SLC1A1: variants seen among roughly 807,000 people sequenced by gnomAD.
The protein encoded by SLC1A1 is excitatory amino acid transporter 3.
SLC1A1 carries 43 observed loss-of-function variants against 53.3 expected under a neutral mutation model. The ratio of observed to expected loss-of-function variants is 0.81; its 90% CI spans 0.63 to 1.04. The LOEUF is 1.04. SLC1A1 is among the 50% of genes least tolerant of loss of function. The pLI is 0.00. For synonymous variants in SLC1A1, 307 were observed against 243.2 expected (o/e 1.26, Z -2.44); for missense variants, 748 against 664.9 (o/e 1.12, Z -1.37).
chr9:4,535,784 C>T (rs1816652563), intron 1 of SLC1A1, among the ~76,000 whole-genome samples: 1 of 152,120 alleles, frequency 6.6e-6, no homozygotes, highest in African/African-American at 2.4e-5. Context: ...AAGCTGGAGG[C>T]ATCACACTAC....
chr9:4,580,732 T>C (rs1821016663), intron 10 of SLC1A1, among the ~76,000 whole-genome samples: 1 of 149,260 alleles, frequency 6.7e-6, no homozygotes, highest in African/African-American at 2.5e-5. Context: ...GCAGTAGTAA[T>C]AGTAGTAGTA....
chr9:4,523,808 A>G (rs527903876), intron 1 of SLC1A1, among the ~76,000 whole-genome samples: 2 of 152,328 alleles, frequency 1.3e-5, no homozygotes, highest in African/African-American at 2.4e-5. Flanking sequence ...TGACTCCATG[A>G]GGTTGATATT....
Position 4,490,668 on chromosome 9 carries a change from G to A in SLC1A1, c.-12G>A, listed in dbSNP as rs1439156051. On this transcript the variant is annotated 5_prime_UTR_variant, in exon 1 of 12. Transcript: ENST00000262352. ...GCACGGCCGAGCCCAGCGCACAATA[G>A]CGGCGACAGCCATGGGGAAACCGGC... is the stretch of plus-strand genomic sequence containing the variant. 23 of 1,611,210 alleles carry A rather than the reference G, an allele frequency of 1.4e-5. No individual in the cohort carries two copies. Among genetic ancestry groups the A allele is most frequent in the Non-Finnish European group, 1.9e-5 (22 of 1,178,038 alleles).
intron 1 of SLC1A1, among the ~76,000 whole-genome samples, chr9:4,521,682 C>T (rs1425005690): frequency 6.6e-6 from 1 of 152,156 alleles, no homozygotes; most frequent in Admixed American, 6.5e-5. Flanking sequence ...TGGCTAGTGT[C>T]ATTTTCCCTC....
chr9:4,507,800 A>T (rs1348223472), intron 1 of SLC1A1, among the ~76,000 whole-genome samples: 3 of 152,150 alleles, frequency 2.0e-5, no homozygotes, highest in Non-Finnish European at 4.4e-5. Flanking sequence ...TTTCTCCCAG[A>T]GGTCGATCTG....
chr9:4,528,337 C>T (rs982454695), intron 1 of SLC1A1, among the ~76,000 whole-genome samples: 1 of 152,126 alleles, frequency 6.6e-6, no homozygotes. Context: ...CTTTGGGAGG[C>T]CGAGGCAGGC....
At chr9:4,497,864 T>C (rs1021510878) in intron 1 of SLC1A1, among the ~76,000 whole-genome samples, 1 of 152,204 alleles carries the variant, frequency 6.6e-6, no homozygotes, top group Admixed American at 6.5e-5. Flanking sequence ...TTGTTTCTTA[T>C]TAACAAGAAA....
At chr9:4,572,480 T>A in intron 7 of SLC1A1, 92 bp downstream of exon 7, 1 of 1,109,152 alleles carries the variant, frequency 9.0e-7, no homozygotes, top group Non-Finnish European at 1.4e-6. Context: ...TGTCAACTGA[T>A]GAAGCTAGAG....
At chr9:4,565,051 C>T (rs1287399110) in intron 4 of SLC1A1, among the ~76,000 whole-genome samples, 1 of 152,140 alleles carries the variant, frequency 6.6e-6, no homozygotes, top group East Asian at 1.9e-4. Context: ...GGTAAAGTTT[C>T]TATAGAACAG....
At position 4,520,425 on chromosome 9, in the gene SLC1A1, C is replaced by T. The variant is rs188931815; in HGVS notation, c.92-24142C>T. Among the ~76,000 whole-genome samples the T allele has an allele frequency of 2.5e-3, 381 of 152,048 alleles. 5 individuals carry two copies. The highest frequency in any genetic ancestry group is 3.3e-3 in the Non-Finnish European group (223 of 67,944). On this transcript the variant is annotated intron_variant, in intron 1 of 11. Coordinates refer to ENST00000262352, the MANE Select transcript of SLC1A1 (RefSeq NM_004170.6). ...TTATTATCTATTTTTCTTTTTTCCCCGTTTTAAAAATGAATTTGGTTCATT... is the reference window on the plus strand; with the variant it reads ...TTATTATCTATTTTTCTTTTTTCCCTGTTTTAAAAATGAATTTGGTTCATT...
chr9:4,496,186 C>T (rs1053373228), intron 1 of SLC1A1, among the ~76,000 whole-genome samples: 5 of 151,940 alleles, frequency 3.3e-5, no homozygotes, highest in Non-Finnish European at 7.4e-5. Flanking sequence ...AGAAACCGGA[C>T]GTGGTGTGAT....
intron 1 of SLC1A1, among the ~76,000 whole-genome samples, chr9:4,504,026 AAC>A (rs778652564): frequency 1.3e-5 from 2 of 152,224 alleles, no homozygotes; most frequent in Non-Finnish European, 2.9e-5. Flanking sequence ...TCTGGTTGCT[AAC>A]AGTTTTGAAG....
rs1817772675 is a variant in SLC1A1 at position 4,549,738 on chromosome 9, C to G, written c.232+5031C>G. ...CCCCCTCACGGCCACAGGGGGATAG[C>G]CTTTCCTCGTGGACCCCATCAGGAG... On this transcript the variant is annotated intron_variant, in intron 2 of 11. Transcript: ENST00000262352. The surrounding 1 kb of genome is among the most constrained non-coding windows in gnomAD (Gnocchi z 4.1). Among the ~76,000 whole-genome samples, 4 of 152,286 alleles carry G rather than the reference C, an allele frequency of 2.6e-5. No homozygotes were observed. The South Asian group carries it at 8.3e-4, about 32-fold the overall frequency.
At chr9:4,527,957 A>G (rs560515212) in intron 1 of SLC1A1, among the ~76,000 whole-genome samples, 1 of 152,262 alleles carries the variant, frequency 6.6e-6, no homozygotes, top group African/African-American at 2.4e-5. Context: ...CTAAGAACGA[A>G]AGAATACCCA....
Position 4,532,458 on chromosome 9 carries a change from T to G in SLC1A1, c.92-12109T>G, listed in dbSNP as rs539346785. Among the ~76,000 whole-genome samples, 5 of 152,168 alleles carry G rather than the reference T, an allele frequency of 3.3e-5. No homozygotes were observed. The South Asian group carries it at 6.3e-4, about 19-fold the overall frequency. On this transcript the variant is annotated intron_variant, in intron 1 of 11. Coordinates refer to ENST00000262352, the MANE Select transcript of SLC1A1 (RefSeq NM_004170.6). ...CGATTCAATCAACTGGAATAAAGGG[T>G]ATCAGTGATGGAAGATGAAATGAAT...
In SLC1A1 at chr9:4,576,700, C is replaced by T; in HGVS notation, c.1130C>T (p.Ala377Val). 6.2e-7 allele frequency: 1 copy of T among 1,614,190 alleles called. No individual in the cohort carries two copies. The highest frequency in any genetic ancestry group is 8.5e-7 in the Non-Finnish European group (1 of 1,180,020). The change falls in exon 10 of 12, where the codon GCA becomes GTA. Residue 377 changes from alanine (A) to valine (V), a missense_variant. Physicochemically the swap from Ala to Val is moderately conservative, Grantham distance 64. Coordinates refer to ENST00000262352, the MANE Select transcript of SLC1A1 (RefSeq NM_004170.6). ...MDGTALYEAVAAVFIAQLNDL... is the reference protein window; with the variant it reads ...MDGTALYEAVVAVFIAQLNDL... The stretch of plus-strand genomic sequence containing the variant: ...GGGACTGCGCTCTATGAAGCAGTGG[C>T]AGCGGTGTTTATTGCACAGTTGAAT...
intron 1 of SLC1A1, among the ~76,000 whole-genome samples, chr9:4,537,217 G>A (rs957652123): frequency 2.0e-5 from 3 of 152,088 alleles, no homozygotes; most frequent in African/African-American, 7.2e-5. Context: ...GATGTTTAAT[G>A]TGGGGGAAAT....
At chr9:4,571,430 C>G (rs1381054175) in intron 6 of SLC1A1, among the ~76,000 whole-genome samples, 1 of 152,232 alleles carries the variant, frequency 6.6e-6, no homozygotes, top group Non-Finnish European at 1.5e-5. Flanking sequence ...AATCCCAGCA[C>G]TTTGAGAGGC....
chr9:4,575,151 G>T (rs1820428245), intron 8 of SLC1A1, among the ~76,000 whole-genome samples: 1 of 152,200 alleles, frequency 6.6e-6, no homozygotes, highest in Non-Finnish European at 1.5e-5. Context: ...ATGGTTTTTA[G>T]CTACAAGCTC....
Sources: allele counts gnomAD v4.1 joint callset (sites outside exome capture counted in the v4.1 genomes callset), GRCh38; gene constraint gnomAD v4.1.1; non-coding constraint Gnocchi (gnomAD v3.1); transcripts MANE v1.5; gene names NCBI Gene and HGNC (gene_info 2026-07-23, HGNC 2026-07-21).